Variants in MMS19 observed in about 807,000 individuals in gnomAD.
The protein encoded by MMS19 is MMS19 nucleotide excision repair protein homolog.
A neutral mutation model predicts 129.8 loss-of-function variants in MMS19; 77 were observed. That is an observed-to-expected ratio of 0.59 (90% CI 0.49 to 0.72). MMS19 has a LOEUF of 0.72. Among genes scored for constraint, MMS19 ranks in the 30% least tolerant of loss-of-function variants. The pLI is 0.00. For synonymous variants in MMS19, 491 were observed against 502.8 expected, an observed-to-expected ratio of 0.98 and a Z score of 0.31; for missense variants, 1,168 against 1,266.3, an observed-to-expected ratio of 0.92 and a Z score of 1.18.
chr10:97,498,578 G>A, upstream of MMS19: 1 of 638,044 alleles, frequency 1.6e-6, no homozygotes, highest in Non-Finnish European at 2.5e-6. Context: ...CGAGAGGGAA[G>A]GCGGCTGCTG....
At position 97,463,977 on chromosome 10, in the gene MMS19, A is replaced by C; in HGVS notation, c.1793T>G (p.Val598Gly). ...MVAQSSDVIA[V>G]CQSLRQMAEK... ...TGCCATCTGTCTGAGGCTCTGACAG[A>C]CAGCAATAACGTCACTGGATTGTGC... is the stretch of plus-strand genomic sequence containing the variant. Residue 598 changes from valine (V) to glycine (G), a missense_variant, in exon 19 of 31, where the codon GTC becomes GGC. Val to Gly is a moderately radical substitution (Grantham distance 109). This residue lies in a region of MMS19 where 831 missense variants were observed against 910.8 expected (regional missense o/e 0.91). Transcript: ENST00000438925. 6.2e-7 allele frequency: 1 copy of C among 1,613,356 alleles called. No homozygotes were observed. The highest frequency in any genetic ancestry group is 8.5e-7 in the Non-Finnish European group (1 of 1,179,612).
At chr10:97,488,369 G>A (rs575995426) in intron 1 of MMS19, among the ~76,000 whole-genome samples, 3 of 152,124 alleles carry the variant, frequency 2.0e-5, no homozygotes, top group Non-Finnish European at 4.4e-5. Flanking sequence ...CCTATATTGA[G>A]GGCAATATAA....
chr10:97,460,549 G>T, intron 25 of MMS19, 146 bp downstream of exon 25: 1 of 732,852 alleles, frequency 1.4e-6, no homozygotes, highest in Non-Finnish European at 2.3e-6. Flanking sequence ...TCCAGCCTGG[G>T]TGACAGAGTA....
rs1314869302 is a variant in MMS19 at position 97,463,885 on chromosome 10, C to A, written c.1885G>T (p.Ala629Ser). Residue 629 changes from alanine (A) to serine (S), a missense_variant, in exon 19 of 31, where the codon GCC becomes TCC. Ala to Ser is a moderately conservative substitution (Grantham distance 99). Transcript: ENST00000438925. ...FHQTAIPCLL[A>S]LAVQASMPEK... ...GGCATAGAGGCCTGCACAGCCAAGG[C>A]AAGCAGGCAAGGTATAGCTGTCTGG... The A allele has an allele frequency of 1.2e-6, 2 of 1,611,978 alleles. 1 individual carries two copies. The highest frequency in any genetic ancestry group is 2.2e-5 in the South Asian group (2 of 90,528).
chr10:97,474,532 A>C (rs1314242217), intron 8 of MMS19, among the ~76,000 whole-genome samples: 1 of 152,064 alleles, frequency 6.6e-6, no homozygotes, highest in African/African-American at 2.4e-5. Flanking sequence ...TGGGCAACAG[A>C]GTGAGACCCT....
At chr10:97,485,631 A>T (rs2037695006) in intron 1 of MMS19, among the ~76,000 whole-genome samples, 1 of 152,070 alleles carries the variant, frequency 6.6e-6, no homozygotes, top group African/African-American at 2.4e-5. Context: ...TATTTTTAGT[A>T]GAGATAGGGC....
At chr10:97,497,185 T>C (rs1340153641) in intron 1 of MMS19, among the ~76,000 whole-genome samples, 2 of 152,200 alleles carry the variant, frequency 1.3e-5, no homozygotes, top group African/African-American at 2.4e-5. Flanking sequence ...ATACTATAAG[T>C]TCCTGGTGGG....
chr10:97,486,478 G>A (rs1262542954), intron 1 of MMS19, among the ~76,000 whole-genome samples: 1 of 152,210 alleles, frequency 6.6e-6, no homozygotes, highest in East Asian at 1.9e-4. Flanking sequence ...ACTGTGCCAG[G>A]CCAAAATCCT....
intron 1 of MMS19, among the ~76,000 whole-genome samples, chr10:97,490,905 G>A (rs2038748171): frequency 6.6e-6 from 1 of 152,188 alleles, no homozygotes; most frequent in East Asian, 1.9e-4. Context: ...GGGAAAAAAT[G>A]AGCAGACTGT....
At chr10:97,459,974 A>G (rs2031279858) in intron 26 of MMS19, 72 bp downstream of exon 26, 1 of 1,524,300 alleles carries the variant, frequency 6.6e-7, no homozygotes, top group Admixed American at 1.8e-5. Context: ...GCGGGCCCTA[A>G]ATTATCTTAG....
chr10:97,469,591 C>T, intron 11 of MMS19, 55 bp downstream of exon 11: 1 of 1,427,934 alleles, frequency 7.0e-7, no homozygotes, highest in South Asian at 1.2e-5. Flanking sequence ...ATTATTTCCC[C>T]TCATGCCTGA....
At chr10:97,484,882 G>C (rs1016953937) in intron 1 of MMS19, among the ~76,000 whole-genome samples, 4 of 152,086 alleles carry the variant, frequency 2.6e-5, no homozygotes, top group South Asian at 4.2e-4. Flanking sequence ...AGGCTCAGGT[G>C]ATCCTCCCAC....
At position 97,477,485 on chromosome 10, in the gene MMS19, T is replaced by A; in HGVS notation, c.424-69A>T. The A allele has an allele frequency of 1.9e-6, 3 of 1,606,174 alleles. No homozygotes were observed. In the South Asian group the frequency reaches 3.3e-5, roughly 18 times the overall value. ...TACCTCAGCTGACACAGCTAGTTCCTGCTTCATAATCTCTAAGTGAACAGT... is the reference window on the plus strand; with the variant it reads ...TACCTCAGCTGACACAGCTAGTTCCAGCTTCATAATCTCTAAGTGAACAGT... On this transcript the variant is annotated intron_variant, in intron 5 of 30. Transcript: ENST00000438925.
rs751427529 is a variant in MMS19 at position 97,480,982 on chromosome 10, C to T, written c.222G>A (p.Gln74=). 1 of 1,610,360 alleles carries T rather than the reference C, an allele frequency of 6.2e-7. No individual in the cohort carries two copies. The highest frequency in any genetic ancestry group is 8.5e-7 in the Non-Finnish European group (1 of 1,178,122). Reference sequence around the variant, plus strand: ...GCAAGGTGTGACAGTGGAGTAGCACCTGTGACAAAAGCTGGATTGCTCGTG... The same window carrying T: ...GCAAGGTGTGACAGTGGAGTAGCACTTGTGACAAAAGCTGGATTGCTCGTG... ...TRARAIQLLS[Q]VLLHCHTLLL... is the part of the protein sequence containing the mutation. Residue 74 remains glutamine (Q), a synonymous_variant, in exon 3 of 31, where the codon CAG becomes CAA. Transcript: ENST00000438925.
intron 2 of MMS19, among the ~76,000 whole-genome samples, chr10:97,482,706 CTGTGTGTGTG>C (rs369393413): frequency 0.032 from 4,202 of 131,930 alleles, 89 homozygotes; most frequent in Non-Finnish European, 0.05. Flanking sequence ...ATCAATAAGG[CTGTGTGTGTG>C]TGTGTGTGTG....
At chr10:97,496,529 A>AG (rs1303400428) in intron 1 of MMS19, among the ~76,000 whole-genome samples, 66 of 151,812 alleles carry the variant, frequency 4.3e-4, no homozygotes, top group African/African-American at 1.5e-3. Context: ...AAAAAAAAAA[A>AG]AGAGAAGAAT....
At chr10:97,474,306 G>A (rs1222542016) in intron 8 of MMS19, among the ~76,000 whole-genome samples, 1 of 152,002 alleles carries the variant, frequency 6.6e-6, no homozygotes, top group African/African-American at 2.4e-5. Context: ...ACTTTGGGAG[G>A]CCGAGGCAGG....
intron 1 of MMS19, among the ~76,000 whole-genome samples, chr10:97,492,835 G>A (rs1028612721): frequency 7.6e-5 from 11 of 145,130 alleles, no homozygotes; most frequent in African/African-American, 2.8e-4. Flanking sequence ...CACCAGCCTG[G>A]GCAACAGAGC....
chr10:97,465,976 A>C, intron 17 of MMS19, 22 bp from the exon 18 acceptor site: 1 of 1,613,412 alleles, frequency 6.2e-7, no homozygotes, highest in East Asian at 2.2e-5. Context: ...CCATGAGACA[A>C]AGGTTTACTG....
Sources: gnomAD v4.1 joint callset for allele counts (sites outside exome capture counted in the v4.1 genomes callset) on GRCh38, gnomAD v4.1.1 for gene constraint, gnomAD v4.1.1 regional missense constraint, MANE v1.5 for transcripts, NCBI Gene and HGNC (gene_info 2026-07-23, HGNC 2026-07-21) for gene names.